ZBTB49: variants seen among roughly 807,000 people sequenced by gnomAD.
The protein encoded by ZBTB49 is zinc finger and BTB domain-containing protein 49.
A neutral mutation model predicts 57.5 loss-of-function variants in ZBTB49; 43 were observed. That is an observed-to-expected ratio of 0.75 (90% CI 0.59 to 0.97). ZBTB49 has a LOEUF of 0.97. Ranked by LOEUF, ZBTB49 falls within the 50% of genes least tolerant of loss-of-function variation. The pLI is 0.00. For synonymous variants in ZBTB49, 369 were observed against 362.1 expected (o/e 1.02, Z -0.22); for missense variants, 938 against 947.7 (o/e 0.99, Z 0.13).
At chr4:4,313,594 G>C (rs997080819) in intron 5 of ZBTB49, among the ~76,000 whole-genome samples, 2 of 152,288 alleles carry the variant, frequency 1.3e-5, no homozygotes, top group Non-Finnish European at 1.5e-5. Context: ...GTCTTGATGG[G>C]TGGGTAGGAT....
At position 4,299,897 on chromosome 4, in the gene ZBTB49, A is replaced by G. The variant is rs369985555; in HGVS notation, c.-19-30A>G. On this transcript the variant is annotated intron_variant, in intron 1 of 7. Transcript: ENST00000337872. ...AGTTTCCAGTGAGGTCCTTAAGAAT[A>G]TCTGTCGTATCTGTGATTTTTTGCT... 4 of 1,603,898 alleles carry G rather than the reference A, an allele frequency of 2.5e-6. No individual in the cohort carries two copies. The South Asian group carries it at 3.3e-5, about 13-fold the overall frequency.
chr4:4,298,034 C>A (rs368627169), intron 1 of ZBTB49, among the ~76,000 whole-genome samples: 1 of 152,154 alleles, frequency 6.6e-6, no homozygotes, highest in South Asian at 2.1e-4. Flanking sequence ...AACAAGCTCC[C>A]CAGGTGATCC....
At chr4:4,304,772 T>C (rs1379019860) in intron 3 of ZBTB49, among the ~76,000 whole-genome samples, 2 of 152,156 alleles carry the variant, frequency 1.3e-5, no homozygotes, top group Non-Finnish European at 2.9e-5. Flanking sequence ...CTCTTATGAG[T>C]GTACAGTTAG....
intron 3 of ZBTB49, among the ~76,000 whole-genome samples, chr4:4,304,552 G>T (rs1419678643): frequency 6.6e-6 from 1 of 151,920 alleles, no homozygotes. Context: ...AAACTTACCT[G>T]CTTAGCTTTT....
intron 4 of ZBTB49, among the ~76,000 whole-genome samples, chr4:4,310,481 A>G (rs1282803805): frequency 6.6e-6 from 1 of 152,076 alleles, no homozygotes. Flanking sequence ...AGTTCTTAAT[A>G]AACGAGAGCT....
intron 1 of ZBTB49, among the ~76,000 whole-genome samples, chr4:4,298,273 G>A (rs910190540): frequency 1.3e-5 from 2 of 152,198 alleles, no homozygotes; most frequent in African/African-American, 2.4e-5. Context: ...CATACTTGGA[G>A]TAATGGGAGA....
At position 4,316,331 on chromosome 4, in the gene ZBTB49, G is replaced by A. The variant is rs941861391; in HGVS notation, c.1621+361G>A. Among the ~76,000 whole-genome samples the A allele has an allele frequency of 3.3e-5, 5 of 152,306 alleles. No individual in the cohort carries two copies. In the East Asian group the frequency reaches 7.7e-4, roughly 24 times the overall value. On this transcript the variant is annotated intron_variant, in intron 7 of 7. Transcript: ENST00000337872. ...GGTCCCGCCAGAGCATTAGGAGCAC[G>A]TGCTGGGATCAGAGGGTCGGCTTCT...
chr4:4,291,081 G>T (rs1719882045), intron 1 of ZBTB49, among the ~76,000 whole-genome samples: 1 of 152,334 alleles, frequency 6.6e-6, no homozygotes, highest in East Asian at 1.9e-4. Flanking sequence ...CTCCCAAGGT[G>T]TGTGTATATG....
At chr4:4,316,020 C>G in intron 7 of ZBTB49, 50 bp downstream of exon 7, 1 of 1,599,782 alleles carries the variant, frequency 6.3e-7, no homozygotes, top group Non-Finnish European at 8.5e-7. Context: ...GTGGGAAGGG[C>G]TTTGTCCCCC....
rs757623251 is a variant in ZBTB49 at position 4,321,520 on chromosome 4, C to G, written c.*204C>G. 2.1e-5 allele frequency: 13 copies of G among 609,306 alleles called. No individual in the cohort carries two copies. The highest frequency in any genetic ancestry group is 5.6e-5 in the African/African-American group (3 of 54,028). The allele number at this position is 609,306 out of a possible 1,614,324, so 37.7% of individuals were successfully genotyped here. A position where few individuals can be genotyped will look rare whatever the true frequency, so the allele number is the denominator to read the frequency against. On this transcript the variant is annotated 3_prime_UTR_variant, in exon 8 of 8. Coordinates refer to ENST00000337872, the MANE Select transcript of ZBTB49 (RefSeq NM_145291.4). Reference sequence around the variant, plus strand: ...GCCTGCTGGCTCACCGTGAGGCAGCCGCGGGAGGGAGCGCTGACGTCACAG... The same window carrying G: ...GCCTGCTGGCTCACCGTGAGGCAGCGGCGGGAGGGAGCGCTGACGTCACAG...
Position 4,320,644 on chromosome 4 carries a change from A to G in ZBTB49, c.1626A>G (p.Lys542=), listed in dbSNP as rs758578842. 2.5e-5 allele frequency: 40 copies of G among 1,613,330 alleles called. No individual in the cohort carries two copies. The highest frequency in any genetic ancestry group is 3.3e-5 in the Non-Finnish European group (39 of 1,179,886). The change falls in exon 8 of 8, where the codon AAA becomes AAG. Residue 542 remains lysine (K), a synonymous_variant. Transcript: ENST00000337872. ...ERPYSCSACG[K]CFGGSGDLRR... ...TAACTGTTTTTCTTTTTCCAGGGAA[A>G]TGTTTTGGGGGATCAGGTGACCTCC... is the stretch of plus-strand genomic sequence containing the variant.
intron 4 of ZBTB49, among the ~76,000 whole-genome samples, chr4:4,310,066 G>A (rs914845607): frequency 6.6e-6 from 1 of 152,136 alleles, no homozygotes; most frequent in African/African-American, 2.4e-5. Flanking sequence ...TCATGATAGG[G>A]AATAGATGCT....
chr4:4,297,101 C>T (rs59440667), intron 1 of ZBTB49, among the ~76,000 whole-genome samples: 9,980 of 152,160 alleles, frequency 0.066, 856 homozygotes, highest in East Asian at 0.33. Context: ...GACAGAGTCT[C>T]GCTTTGTCGC....
rs528873677 is a variant in ZBTB49, at chr4:4,308,138, C to T, written c.1302+1954C>T. The stretch of plus-strand genomic sequence containing the variant: ...TGTCGCCCAGGCTGGAGTACAGTGG[C>T]GCAATCTGGGCTCACTGCAACCTCT... On this transcript the variant is annotated intron_variant, in intron 4 of 7. Coordinates refer to ENST00000337872, the MANE Select transcript of ZBTB49 (RefSeq NM_145291.4). Among the ~76,000 whole-genome samples the T allele has an allele frequency of 4.6e-5, 7 of 152,190 alleles. No homozygotes were observed. In the East Asian group the frequency reaches 7.7e-4, roughly 17 times the overall value.
At chr4:4,310,969 G>A (rs1416037535) in intron 4 of ZBTB49, among the ~76,000 whole-genome samples, 1 of 152,192 alleles carries the variant, frequency 6.6e-6, no homozygotes, top group African/African-American at 2.4e-5. Flanking sequence ...TGAGTTTGCT[G>A]TGTAACCTGG....
intron 1 of ZBTB49, among the ~76,000 whole-genome samples, chr4:4,293,648 A>G (rs920409522): frequency 1.3e-5 from 2 of 152,246 alleles, no homozygotes; most frequent in African/African-American, 4.8e-5. Context: ...GTCAGCTGAG[A>G]AATTCTTCAA....
At chr4:4,319,574 A>G (rs1490022092) in intron 7 of ZBTB49, among the ~76,000 whole-genome samples, 1 of 152,252 alleles carries the variant, frequency 6.6e-6, no homozygotes, top group Non-Finnish European at 1.5e-5. Context: ...TAACCCCAGC[A>G]CTTTGGGAGG....
At position 4,312,912 on chromosome 4, in the gene ZBTB49, G is replaced by C. The variant is rs149344016; in HGVS notation, c.1303-129G>C. The C allele has an allele frequency of 2.2e-4, 225 of 1,013,984 alleles. 3 individuals carry two copies. In the East Asian group the frequency reaches 6.1e-3, roughly 27 times the overall value. 62.8% of individuals were successfully genotyped at this position (1,013,984 alleles called of 1,614,324 possible). ...GCCCATGGCTTCTTTTGAGTTGTGT[G>C]TAGCTCATCTTCATCTGGAATTTGA... On this transcript the variant is annotated intron_variant, in intron 4 of 7. Transcript: ENST00000337872.
chr4:4,303,361 G>C (rs1381524687), intron 3 of ZBTB49, among the ~76,000 whole-genome samples: 5 of 152,146 alleles, frequency 3.3e-5, no homozygotes, highest in African/African-American at 1.2e-4. Context: ...CAAGCCATCT[G>C]TCTCTAAAGA....
Sources: gnomAD v4.1 joint callset for allele counts (sites outside exome capture counted in the v4.1 genomes callset) on GRCh38, gnomAD v4.1.1 for gene constraint, MANE v1.5 for transcripts, NCBI Gene and HGNC (gene_info 2026-07-23, HGNC 2026-07-21) for gene names.